LRFN5: variants seen among roughly 807,000 people sequenced by gnomAD.
LRFN5 encodes the protein leucine rich repeat and fibronectin type III domain containing 5.
A neutral mutation model predicts 45.6 loss-of-function variants in LRFN5; 24 were observed. The observed-to-expected ratio is 0.53, with a 90% CI of 0.38 to 0.74. LRFN5 has a LOEUF of 0.74. Among genes scored for constraint, LRFN5 ranks in the 30% least tolerant of loss-of-function variants. The probability of loss-of-function intolerance (pLI) is 0.00; values close to 1 mark genes in which losing one functional copy is unlikely to be tolerated. For missense variants in LRFN5, 776 were observed against 861.5 expected (o/e 0.90, Z 1.24); for synonymous variants, 340 against 313.8 (o/e 1.08, Z -0.88).
chr14:41,781,029 T>G (rs1286070944), intron 2 of LRFN5, among the ~76,000 whole-genome samples: 3 of 152,194 alleles, frequency 2.0e-5, no homozygotes, highest in Non-Finnish European at 4.4e-5. Flanking sequence ...TATGCTATAT[T>G]CAAACAAAAT....
rs190304935 is a variant in LRFN5 at position 41,724,209 on chromosome 14, A to G, written c.-196-42645A>G. Among the ~76,000 whole-genome samples, 7 of 152,216 alleles carry G rather than the reference A, an allele frequency of 4.6e-5. No individual in the cohort carries two copies. The East Asian group carries it at 1.4e-3, about 29-fold the overall frequency. ...TTCCAATTTTCTTTCTCAAAATACA[A>G]CTGACAGAGTTGATCTGTATGCACT... On this transcript the variant is annotated intron_variant, in intron 1 of 5. Transcript: ENST00000298119.
At chr14:41,812,099 G>A (rs2138993244) in intron 2 of LRFN5, among the ~76,000 whole-genome samples, 1 of 152,060 alleles carries the variant, frequency 6.6e-6, no homozygotes, top group East Asian at 1.9e-4. Flanking sequence ...TACACAGAAG[G>A]TAACCTTATT....
chr14:41,673,019 G>T (rs1333803415), intron 1 of LRFN5, among the ~76,000 whole-genome samples: 1 of 151,072 alleles, frequency 6.6e-6, no homozygotes, highest in Non-Finnish European at 1.5e-5. Flanking sequence ...AGATTTTTAT[G>T]ATTTTGTTAT....
rs566029015 is a variant in LRFN5, at chr14:41,801,046, ATATC to A, written c.-21+34020_-21+34023del. ...TTATATATAATGACAATATCACACT[ATATC>A]TAACAATATCAGAGTTTATATATGT... On this transcript the variant is annotated intron_variant, in intron 2 of 5. Coordinates refer to ENST00000298119, the MANE Select transcript of LRFN5 (RefSeq NM_152447.5). Among the ~76,000 whole-genome samples the A allele has an allele frequency of 4.1e-4, 62 of 152,218 alleles. 1 individual carries two copies. The highest frequency in any genetic ancestry group is 1.3e-3 in the African/African-American group (55 of 41,580).
intron 4 of LRFN5, among the ~76,000 whole-genome samples, chr14:41,896,113 G>T (rs186501226): frequency 1.3e-5 from 2 of 151,866 alleles, no homozygotes; most frequent in Non-Finnish European, 2.9e-5. Context: ...TTGCCTTTTA[G>T]CTCTTAAATT....
chr14:41,862,995 G>A (rs1370184545), intron 2 of LRFN5, among the ~76,000 whole-genome samples: 2 of 151,436 alleles, frequency 1.3e-5, no homozygotes, highest in African/African-American at 2.4e-5. Context: ...CTCCCGAGTA[G>A]GTGGGACTAC....
chr14:41,737,989 A>T (rs1447188985), intron 1 of LRFN5, among the ~76,000 whole-genome samples: 1 of 152,206 alleles, frequency 6.6e-6, no homozygotes, highest in Non-Finnish European at 1.5e-5. Context: ...ACGGAATTAG[A>T]AAAAACTTTA....
rs1451589936 is a variant in LRFN5 at position 41,667,422 on chromosome 14, A to G, written c.-197+58860A>G. On this transcript the variant is annotated intron_variant, in intron 1 of 5. Transcript: ENST00000298119. ...TACAGCAGCCATAGCCATGTTTGCT[A>G]TATCTAGCACTTGAAATGTGCCTCG... Among the ~76,000 whole-genome samples, 4 of 152,170 alleles carry G rather than the reference A, an allele frequency of 2.6e-5. No homozygotes were observed. In the East Asian group the frequency reaches 5.8e-4, roughly 22 times the overall value.
chr14:41,737,045 CAAAG>C (rs1356547980), intron 1 of LRFN5, among the ~76,000 whole-genome samples: 1 of 152,002 alleles, frequency 6.6e-6, no homozygotes, highest in African/African-American at 2.4e-5. Context: ...AGAAACACAA[CAAAG>C]AAAGAAAATT....
At chr14:41,621,201 A>T (rs189288206) in intron 1 of LRFN5, among the ~76,000 whole-genome samples, 1 of 152,000 alleles carries the variant, frequency 6.6e-6, no homozygotes, top group African/African-American at 2.4e-5. Context: ...CATTCTAAAG[A>T]TTTTTTTCTA....
intron 2 of LRFN5, among the ~76,000 whole-genome samples, chr14:41,883,918 G>T (rs547743670): frequency 1.4e-3 from 210 of 152,150 alleles, no homozygotes; most frequent in Non-Finnish European, 2.6e-3. Flanking sequence ...GTATATGTTT[G>T]ACTTCTTAAC....
chr14:41,717,476 T>C (rs1311247871), intron 1 of LRFN5, among the ~76,000 whole-genome samples: 1 of 152,224 alleles, frequency 6.6e-6, no homozygotes, highest in African/African-American at 2.4e-5. Context: ...GCACCAGCCT[T>C]AGAGTAAAAT....
At chr14:41,680,606 G>C (rs1190357593) in intron 1 of LRFN5, among the ~76,000 whole-genome samples, 2 of 152,080 alleles carry the variant, frequency 1.3e-5, no homozygotes, top group Non-Finnish European at 2.9e-5. Flanking sequence ...CAAAAGCTTG[G>C]ATCACAACCT....
chr14:41,674,682 C>G (rs952205980), intron 1 of LRFN5, among the ~76,000 whole-genome samples: 2 of 150,134 alleles, frequency 1.3e-5, no homozygotes, highest in African/African-American at 4.9e-5. Context: ...CCGGATGGGA[C>G]GGCTGGCTGG....
intron 1 of LRFN5, among the ~76,000 whole-genome samples, chr14:41,765,212 G>A (rs907117605): frequency 2.0e-5 from 3 of 151,912 alleles, no homozygotes; most frequent in Non-Finnish European, 4.4e-5. Flanking sequence ...CGTAGTGGCG[G>A]GCGCCTGTAT....
At chr14:41,628,840 T>C (rs138956467) in intron 1 of LRFN5, among the ~76,000 whole-genome samples, 7 of 152,208 alleles carry the variant, frequency 4.6e-5, no homozygotes, top group African/African-American at 1.7e-4. Context: ...GTGTGTAAGG[T>C]GACATCTCAA....
chr14:41,613,572 A>C (rs2138542269), intron 1 of LRFN5, among the ~76,000 whole-genome samples: 1 of 152,112 alleles, frequency 6.6e-6, no homozygotes, highest in Admixed American at 6.5e-5. Flanking sequence ...ATGGCATTAT[A>C]ATCCTTGTGG....
intron 1 of LRFN5, among the ~76,000 whole-genome samples, chr14:41,658,184 T>G (rs919880918): frequency 6.6e-6 from 1 of 152,042 alleles, no homozygotes; most frequent in Non-Finnish European, 1.5e-5. Context: ...AGCTTTTGTA[T>G]TTGTTATTTC....
chr14:41,895,910 C>G (rs895736825), intron 4 of LRFN5, among the ~76,000 whole-genome samples: 1 of 151,858 alleles, frequency 6.6e-6, no homozygotes, highest in Non-Finnish European at 1.5e-5. Context: ...AATTTATAAA[C>G]AATTAAAAAA....
Sources: allele counts gnomAD v4.1 joint callset (sites outside exome capture counted in the v4.1 genomes callset), GRCh38; gene constraint gnomAD v4.1.1; transcripts MANE v1.5; gene names NCBI Gene and HGNC (gene_info 2026-07-23, HGNC 2026-07-21).